The following ATXN10 variants were observed in gnomAD, a reference collection of about 807,000 sequenced individuals.
ATXN10 encodes the protein ataxin-10.
Under a neutral mutation model 52.9 loss-of-function variants are expected in ATXN10, and 28 were observed. The ratio of observed to expected loss-of-function variants is 0.53; its 90% CI spans 0.39 to 0.73. The LOEUF is 0.73. ATXN10 is among the 30% of genes least tolerant of loss of function. The probability of loss-of-function intolerance (pLI) is 0.00; values close to 1 mark genes in which losing one functional copy is unlikely to be tolerated. For missense variants in ATXN10, 565 were observed against 577.0 expected (o/e 0.98, Z 0.21); for synonymous variants, 226 against 221.5 (o/e 1.02, Z -0.18).
rs1206259555 is a variant in ATXN10 at position 45,795,355 on chromosome 22, A to AT, written c.1174-11602dup. On this transcript the variant is annotated intron_variant, in intron 9 of 11. Transcript: ENST00000252934. This position sits in a 1 kb window ranked among gnomAD's most constrained non-coding sequence, Gnocchi z 4.6. ...TCCAACTAAAAGACTACTAGAATGG[A>AT]TTCTATTCTATTCTATTCTATTCTA... Among the ~76,000 whole-genome samples, 1 of 26,540 alleles carries AT rather than the reference A, an allele frequency of 3.8e-5. No individual in the cohort carries two copies. Among genetic ancestry groups the AT allele is most frequent in the Non-Finnish European group, 7.3e-5 (1 of 13,694 alleles). The allele number at this position is 26,540 out of a possible 152,430, so 17.4% of individuals were successfully genotyped here.
At chr22:45,760,076 G>A (rs1419520622) in intron 9 of ATXN10, among the ~76,000 whole-genome samples, 1 of 152,150 alleles carries the variant, frequency 6.6e-6, no homozygotes, top group African/African-American at 2.4e-5. Flanking sequence ...ATAGATTTGT[G>A]CTAATTCCAC....
In ATXN10 at chr22:45,826,595, T is replaced by C. The variant is rs2146905476; in HGVS notation, c.1238-16396T>C. On this transcript the variant is annotated intron_variant, in intron 10 of 11. Transcript: ENST00000252934. This position sits in a 1 kb window ranked among gnomAD's most constrained non-coding sequence, Gnocchi z 5.0. ...TCCATAGGATTACCAGCAGTTTTCT[T>C]ATTAGAAACTTTGGAGGCCAGAAGG... is the stretch of plus-strand genomic sequence containing the variant. 6.6e-6 allele frequency among the ~76,000 whole-genome samples: 1 copy of C among 152,364 alleles called. No individual in the cohort carries two copies. Among genetic ancestry groups the C allele is most frequent in the East Asian group, 1.9e-4 (1 of 5,190 alleles).
intron 10 of ATXN10, among the ~76,000 whole-genome samples, chr22:45,838,366 C>G (rs779129183): frequency 6.6e-6 from 1 of 152,288 alleles, no homozygotes; most frequent in Non-Finnish European, 1.5e-5. Context: ...GTCAAGACCC[C>G]AGAGCCCCCT....
intron 5 of ATXN10, among the ~76,000 whole-genome samples, chr22:45,713,886 C>T (rs1601602350): frequency 6.6e-6 from 1 of 152,238 alleles, no homozygotes; most frequent in Non-Finnish European, 1.5e-5. Flanking sequence ...TTTCATCAGT[C>T]TCTTCTCTAT....
At chr22:45,714,645 G>A (rs529136928) in intron 5 of ATXN10, among the ~76,000 whole-genome samples, 231 of 152,282 alleles carry the variant, frequency 1.5e-3, no homozygotes, top group Middle Eastern at 3.4e-3. Flanking sequence ...GCCTCCCAAA[G>A]TGCTGGGAAT....
At position 45,684,205 on chromosome 22, in the gene ATXN10, C is replaced by T. The variant is rs1225539366; in HGVS notation, c.117-5507C>T. ...AGGTCTTGAACTCTCCTGGCTTCTG[C>T]CTCTCAAAGCACTGGAATTATAGGC... On this transcript the variant is annotated intron_variant, in intron 1 of 11. Coordinates refer to ENST00000252934, the MANE Select transcript of ATXN10 (RefSeq NM_013236.4). This position sits in a 1 kb window ranked among gnomAD's most constrained non-coding sequence, Gnocchi z 4.1. 6.6e-6 allele frequency among the ~76,000 whole-genome samples: 1 copy of T among 151,468 alleles called. No individual in the cohort carries two copies.
intron 10 of ATXN10, among the ~76,000 whole-genome samples, chr22:45,807,568 G>T (rs1341660165): frequency 6.6e-6 from 1 of 152,236 alleles, no homozygotes; most frequent in Non-Finnish European, 1.5e-5. Context: ...GAGAGCACTG[G>T]CTCTTGCCCT....
chr22:45,843,532 A>G lies in ATXN10; in HGVS notation c.1426-137A>G. 1.3e-6 allele frequency: 1 copy of G among 790,482 alleles called. No individual in the cohort carries two copies. The highest frequency in any genetic ancestry group is 2.2e-6 in the Non-Finnish European group (1 of 456,800). 49.0% of individuals were successfully genotyped at this position (790,482 alleles called of 1,614,324 possible). On this transcript the variant is annotated intron_variant, in intron 11 of 11. Transcript: ENST00000252934. This position sits in a 1 kb window ranked among gnomAD's most constrained non-coding sequence, Gnocchi z 4.5. ...TAAAAAACAGAACTCCTTGAATAAT[A>G]TTGCATGAATTGTTTTAGGTTTCTC...
At chr22:45,761,947 G>C (rs985504102) in intron 9 of ATXN10, among the ~76,000 whole-genome samples, 2 of 152,164 alleles carry the variant, frequency 1.3e-5, no homozygotes, top group African/African-American at 4.8e-5. Flanking sequence ...GGATGAAGTA[G>C]TTGTGGTCTT....
rs1923321954 is a variant in ATXN10 at position 45,690,321 on chromosome 22, C to T, written c.308+418C>T. On this transcript the variant is annotated intron_variant, in intron 2 of 11. Transcript: ENST00000252934. The surrounding 1 kb of genome is among the most constrained non-coding windows in gnomAD (Gnocchi z 4.5). ...AGTTGTTCTGGCATGATAGTATCAC[C>T]CACTGTTATTGCAGGATTGCCCTTT... Among the ~76,000 whole-genome samples, 2 of 152,034 alleles carry T rather than the reference C, an allele frequency of 1.3e-5. No individual in the cohort carries two copies. The highest frequency in any genetic ancestry group is 4.8e-5 in the African/African-American group (2 of 41,384).
Position 45,842,607 on chromosome 22 carries a change from T to G in ATXN10, c.1238-384T>G, listed in dbSNP as rs1929383582. Among the ~76,000 whole-genome samples the G allele has an allele frequency of 6.6e-6, 1 of 152,232 alleles. No individual in the cohort carries two copies. Among genetic ancestry groups the G allele is most frequent in the Admixed American group, 6.5e-5 (1 of 15,288 alleles). On this transcript the variant is annotated intron_variant, in intron 10 of 11. Coordinates refer to ENST00000252934, the MANE Select transcript of ATXN10 (RefSeq NM_013236.4). This position sits in a 1 kb window ranked among gnomAD's most constrained non-coding sequence, Gnocchi z 4.8. ...TTTCCCTAGTGAGTCAGTAACATAA[T>G]TATTCAACAAAGGAATGTGTGTGTG...
intron 9 of ATXN10, among the ~76,000 whole-genome samples, chr22:45,801,460 A>G (rs1267985434): frequency 1.3e-5 from 2 of 152,210 alleles, no homozygotes; most frequent in African/African-American, 2.4e-5. Flanking sequence ...CAGGCCTGAA[A>G]TGCCCACTGC....
chr22:45,762,356 C>A lies in ATXN10; in HGVS notation c.1173+21818C>A, dbSNP rs1926425159. Among the ~76,000 whole-genome samples the A allele has an allele frequency of 6.6e-6, 1 of 152,192 alleles. No individual in the cohort carries two copies. The highest frequency in any genetic ancestry group is 6.5e-5 in the Admixed American group (1 of 15,272). On this transcript the variant is annotated intron_variant, in intron 9 of 11. Transcript: ENST00000252934. This position sits in a 1 kb window ranked among gnomAD's most constrained non-coding sequence, Gnocchi z 4.3. ...GCACTCCCGCTTCATGACTACATCTCATTTTTTATTTATCTTTGTTATGAT... is the reference window on the plus strand; with the variant it reads ...GCACTCCCGCTTCATGACTACATCTAATTTTTTATTTATCTTTGTTATGAT...
chr22:45,704,717 A>G (rs1923972680), intron 5 of ATXN10, among the ~76,000 whole-genome samples: 1 of 152,108 alleles, frequency 6.6e-6, no homozygotes, highest in South Asian at 2.1e-4. Flanking sequence ...GGACCGTGCC[A>G]TCTGCAAGTA....
chr22:45,823,758 A>ATAC lies in ATXN10; in HGVS notation c.1237+16737_1237+16738insACT, dbSNP rs1188137179. 6.6e-6 allele frequency among the ~76,000 whole-genome samples: 1 copy of ATAC among 152,186 alleles called. No individual in the cohort carries two copies. The highest frequency in any genetic ancestry group is 1.9e-4 in the East Asian group (1 of 5,194). Reference sequence around the variant, plus strand: ...GGCAGGTGTTTATTGAGTAGCTGGCATGTTATGTGCTGCACACTGTTCTAG... The same window carrying ATAC: ...GGCAGGTGTTTATTGAGTAGCTGGCATACTGTTATGTGCTGCACACTGTTCTAG... On this transcript the variant is annotated intron_variant, in intron 10 of 11. Transcript: ENST00000252934. This position sits in a 1 kb window ranked among gnomAD's most constrained non-coding sequence, Gnocchi z 4.9.
chr22:45,807,221 T>A, intron 10 of ATXN10, 199 bp downstream of exon 10: 3 of 667,928 alleles, frequency 4.5e-6, no homozygotes. Context: ...GTAAGCTAGT[T>A]TTTTCATGGT....
chr22:45,709,769 A>G (rs1457907905), intron 5 of ATXN10, among the ~76,000 whole-genome samples: 1 of 152,160 alleles, frequency 6.6e-6, no homozygotes, highest in Admixed American at 6.5e-5. Flanking sequence ...TCTAATTGGC[A>G]TCTGAAATGT....
chr22:45,833,395 T>C lies in ATXN10; in HGVS notation c.1238-9596T>C, dbSNP rs1929055874. Among the ~76,000 whole-genome samples the C allele has an allele frequency of 6.6e-6, 1 of 152,206 alleles. No individual in the cohort carries two copies. Among genetic ancestry groups the C allele is most frequent in the Non-Finnish European group, 1.5e-5 (1 of 68,022 alleles). ...GTACAGCATAAGAGCGCTCCTTGAC[T>C]CCTCAGGGCCTGCTGGGTCTTGTCT... On this transcript the variant is annotated intron_variant, in intron 10 of 11. Coordinates refer to ENST00000252934, the MANE Select transcript of ATXN10 (RefSeq NM_013236.4). This position sits in a 1 kb window ranked among gnomAD's most constrained non-coding sequence, Gnocchi z 4.3.
At chr22:45,725,294 T>G (rs1172617249) in intron 6 of ATXN10, among the ~76,000 whole-genome samples, 1 of 152,212 alleles carries the variant, frequency 6.6e-6, no homozygotes, top group Non-Finnish European at 1.5e-5. Flanking sequence ...GAGCATGGGA[T>G]GTATTTCCAT....
Sources: allele counts gnomAD v4.1 joint callset (sites outside exome capture counted in the v4.1 genomes callset), GRCh38; gene constraint gnomAD v4.1.1; non-coding constraint Gnocchi (gnomAD v3.1); transcripts MANE v1.5; gene names NCBI Gene and HGNC (gene_info 2026-07-23, HGNC 2026-07-21).